SPRYD4: variants seen among roughly 807,000 people sequenced by gnomAD.
SPRYD4 encodes the protein SPRY domain-containing protein 4.
Under a neutral mutation model 16.6 loss-of-function variants are expected in SPRYD4, and 12 were observed. That is an observed-to-expected ratio of 0.72 (90% CI 0.46 to 1.17). The LOEUF (loss-of-function observed/expected upper bound fraction) is 1.17, where lower values mean the gene tolerates loss of function less well. SPRYD4 is among the 50% of genes most tolerant of loss of function. The pLI, the probability that SPRYD4 is intolerant of heterozygous loss-of-function variation, is 0.00. For synonymous variants in SPRYD4, 98 were observed against 105.4 expected (o/e 0.93, Z 0.43); for missense variants, 260 against 260.2 (o/e 1.00, Z 0.00).
chr12:56,469,365 G>C lies in SPRYD4; in HGVS notation c.412G>C (p.Glu138Gln), dbSNP rs746211057. 6.2e-7 allele frequency: 1 copy of C among 1,614,064 alleles called. No homozygotes were observed. Among genetic ancestry groups the C allele is most frequent in the Non-Finnish European group, 8.5e-7 (1 of 1,180,042 alleles). The change falls in exon 2 of 2, where the codon GAG becomes CAG. Residue 138 changes from glutamate (E) to glutamine (Q), a missense_variant. Physicochemically the swap from Glu to Gln is conservative, Grantham distance 29. Transcript: ENST00000338146. ...QRKWYTMLAN[E>Q]KAPVEGIGQP... is the part of the protein sequence containing the mutation. The stretch of plus-strand genomic sequence containing the variant: ...CAAGTGGTACACCATGTTGGCCAAC[G>C]AGAAAGCCCCAGTTGAGGGTATTGG...
chr12:56,471,554 A>G lies in SPRYD4; in HGVS notation c.*1977A>G, dbSNP rs2657879. 283,365 of 1,613,616 alleles carry G rather than the reference A, an allele frequency of 0.18. 26,333 individuals are homozygous for G. The highest frequency in any genetic ancestry group is 0.23 in the Admixed American group (13,490 of 59,940). ...TGCTGCCTCAGCCTGAGTTTCAGAG[A>G]GTGTGTAGGAGTCCTGGTAATCTTG... is the stretch of plus-strand genomic sequence containing the variant. On this transcript the variant is annotated 3_prime_UTR_variant, in exon 2 of 2. Coordinates refer to ENST00000338146, the MANE Select transcript of SPRYD4 (RefSeq NM_207344.4).
intron 1 of SPRYD4, 137 bp from the exon 2 acceptor site, chr12:56,468,902 G>T: frequency 8.2e-7 from 1 of 1,220,138 alleles, no homozygotes; most frequent in South Asian, 1.6e-5. Context: ...GCGACCTCGC[G>T]ACTCTCTTGC....
Position 56,473,162 on chromosome 12 carries a change from T to G in SPRYD4, c.*3585T>G. The stretch of plus-strand genomic sequence containing the variant: ...CCTTGGCCTCTCAAAGTGCAGGGAT[T>G]ACAGGCGTGAGCCACCGCACCTGGC... On this transcript the variant is annotated 3_prime_UTR_variant, in exon 2 of 2. Coordinates refer to ENST00000338146, the MANE Select transcript of SPRYD4 (RefSeq NM_207344.4). 1 of 1,456,718 alleles carries G rather than the reference T, an allele frequency of 6.9e-7. No individual in the cohort carries two copies. The highest frequency in any genetic ancestry group is 1.2e-5 in the South Asian group (1 of 86,834). 90.2% of individuals were successfully genotyped at this position (1,456,718 alleles called of 1,614,324 possible).
Position 56,478,277 on chromosome 12 carries a change from G to T in SPRYD4, c.*8700G>T. The T allele has an allele frequency of 2.5e-6, 4 of 1,612,932 alleles. No individual in the cohort carries two copies. Among genetic ancestry groups the T allele is most frequent in the Non-Finnish European group, 3.4e-6 (4 of 1,178,890 alleles). On this transcript the variant is annotated 3_prime_UTR_variant, in exon 2 of 2. Coordinates refer to ENST00000338146, the MANE Select transcript of SPRYD4 (RefSeq NM_207344.4). ...TAGGCTGCCACCTGGACATGAGTGG[G>T]TAGAGAAAAGGGAGATGGATGTGGA...
In SPRYD4 at chr12:56,478,099, G is replaced by A. The variant is rs182943399; in HGVS notation, c.*8522G>A. ...TCTTTGTGTGGCCCACAGAGTGCCTGGAGGCAGACAGATGCCATGAAAGGG... is the reference window on the plus strand; with the variant it reads ...TCTTTGTGTGGCCCACAGAGTGCCTAGAGGCAGACAGATGCCATGAAAGGG... On this transcript the variant is annotated 3_prime_UTR_variant, in exon 2 of 2. Transcript: ENST00000338146. The A allele has an allele frequency of 2.5e-6, 4 of 1,614,040 alleles. No homozygotes were observed. Among genetic ancestry groups the A allele is most frequent in the East Asian group, 4.5e-5 (2 of 44,872 alleles).
chr12:56,472,094 C>T lies in SPRYD4; in HGVS notation c.*2517C>T. On this transcript the variant is annotated 3_prime_UTR_variant, in exon 2 of 2. Coordinates refer to ENST00000338146, the MANE Select transcript of SPRYD4 (RefSeq NM_207344.4). ...GAAAGGGTCTTATGATTACCCTCCTCCTCCCCTCCTTAACCCTTCAGTACC... is the reference window on the plus strand; with the variant it reads ...GAAAGGGTCTTATGATTACCCTCCTTCTCCCCTCCTTAACCCTTCAGTACC... The T allele has an allele frequency of 1.2e-6, 2 of 1,610,634 alleles. No individual in the cohort carries two copies. The highest frequency in any genetic ancestry group is 1.7e-6 in the Non-Finnish European group (2 of 1,177,160).
At position 56,477,807 on chromosome 12, in the gene SPRYD4, T is replaced by G; in HGVS notation, c.*8230T>G. 6.5e-7 allele frequency: 1 copy of G among 1,545,236 alleles called. No individual in the cohort carries two copies. The highest frequency in any genetic ancestry group is 1.9e-5 in the Admixed American group (1 of 53,722). ...ACTTTGTGGGTTAGACAAGAAAGAC[T>G]GCTAGGGAGAAAGGCATGACAGGGC... On this transcript the variant is annotated 3_prime_UTR_variant, in exon 2 of 2. Transcript: ENST00000338146.
chr12:56,477,821 G>T lies in SPRYD4; in HGVS notation c.*8244G>T. 1 of 1,534,516 alleles carries T rather than the reference G, an allele frequency of 6.5e-7. No homozygotes were observed. The highest frequency in any genetic ancestry group is 1.9e-5 in the Admixed American group (1 of 53,470). ...ACAAGAAAGACTGCTAGGGAGAAAG[G>T]CATGACAGGGCTAATCAGGAAGGGC... On this transcript the variant is annotated 3_prime_UTR_variant, in exon 2 of 2. Transcript: ENST00000338146.
At position 56,474,825 on chromosome 12, in the gene SPRYD4, C is replaced by T; in HGVS notation, c.*5248C>T. 1.9e-6 allele frequency: 3 copies of T among 1,613,788 alleles called. No individual in the cohort carries two copies. In the South Asian group the frequency reaches 3.3e-5, roughly 18 times the overall value. ...AGGACAGTCTGTCCTGTTCCCTCGG[C>T]CCTGAGCAGTGTTTTCTTACCTGGA... On this transcript the variant is annotated 3_prime_UTR_variant, in exon 2 of 2. Coordinates refer to ENST00000338146, the MANE Select transcript of SPRYD4 (RefSeq NM_207344.4).
Position 56,475,293 on chromosome 12 carries a change from T to C in SPRYD4, c.*5716T>C, listed in dbSNP as rs1869706709. 7.5e-6 allele frequency: 11 copies of C among 1,460,022 alleles called. No homozygotes were observed. The highest frequency in any genetic ancestry group is 9.2e-6 in the Non-Finnish European group (10 of 1,088,464). 90.4% of individuals were successfully genotyped at this position (1,460,022 alleles called of 1,614,324 possible). On this transcript the variant is annotated 3_prime_UTR_variant, in exon 2 of 2. Coordinates refer to ENST00000338146, the MANE Select transcript of SPRYD4 (RefSeq NM_207344.4). The stretch of plus-strand genomic sequence containing the variant: ...CCTGAGCAAACACTCAGCATAGTTT[T>C]GTTATAAAGTAAACCCAAACCAAAC...
At position 56,469,552 on chromosome 12, in the gene SPRYD4, G is replaced by T; in HGVS notation, c.599G>T (p.Gly200Val). 6.2e-7 allele frequency: 1 copy of T among 1,613,776 alleles called. No individual in the cohort carries two copies. The highest frequency in any genetic ancestry group is 8.5e-7 in the Non-Finnish European group (1 of 1,179,882). The change falls in exon 2 of 2, where the codon GGG becomes GTG. Residue 200 changes from glycine (G) to valine (V), a missense_variant. Coordinates refer to ENST00000338146, the MANE Select transcript of SPRYD4 (RefSeq NM_207344.4). ...LWDGELLTHS[G>V]LEVPEGL The stretch of plus-strand genomic sequence containing the variant: ...GATGGGGAGCTGCTGACCCATTCAG[G>T]GCTTGAGGTGCCCGAGGGCCTCTAG...
In SPRYD4 at chr12:56,475,858, G is replaced by T; in HGVS notation, c.*6281G>T. ...CTAGTATGGGCTGGTGCACCTGGTA[G>T]TGGGGTTAGAGAGCCACTGGGGCAG... is the stretch of plus-strand genomic sequence containing the variant. On this transcript the variant is annotated 3_prime_UTR_variant, in exon 2 of 2. Transcript: ENST00000338146. 6.8e-7 allele frequency: 1 copy of T among 1,473,176 alleles called. No homozygotes were observed. Among genetic ancestry groups the T allele is most frequent in the Non-Finnish European group, 9.5e-7 (1 of 1,052,622 alleles). The allele number at this position is 1,473,176 out of a possible 1,614,324, so 91.3% of individuals were successfully genotyped here.
In SPRYD4 at chr12:56,469,180, T is replaced by C; in HGVS notation, c.227T>C (p.Val76Ala). 1.2e-6 allele frequency: 2 copies of C among 1,613,892 alleles called. No individual in the cohort carries two copies. Among genetic ancestry groups the C allele is most frequent in the Non-Finnish European group, 1.7e-6 (2 of 1,179,978 alleles). Residue 76 changes from valine to alanine, a missense_variant, in exon 2 of 2, where the codon GTG (valine) becomes GCG (alanine). Coordinates refer to ENST00000338146, the MANE Select transcript of SPRYD4 (RefSeq NM_207344.4). ...GTGGAGCGCTTCCGGGAGTGGGCAG[T>C]GGTGCTGGCAGACACAGCGGTCACC... ...LNVERFREWA[V>A]VLADTAVTSG... is the part of the protein sequence containing the mutation.
In SPRYD4 at chr12:56,478,791, G is replaced by A. The variant is rs867232338; in HGVS notation, c.*9214G>A. 2.8e-5 allele frequency: 10 copies of A among 354,592 alleles called. No individual in the cohort carries two copies. Among genetic ancestry groups the A allele is most frequent in the African/African-American group, 1.3e-4 (6 of 47,130 alleles). 22.0% of individuals were successfully genotyped at this position (354,592 alleles called of 1,614,324 possible). ...GTGGATCACTTGAGATCAGGAGTTC[G>A]AGACCAGCCTGGCCAATATGGCAAA... On this transcript the variant is annotated 3_prime_UTR_variant, in exon 2 of 2. Coordinates refer to ENST00000338146, the MANE Select transcript of SPRYD4 (RefSeq NM_207344.4).
At position 56,474,775 on chromosome 12, in the gene SPRYD4, C is replaced by T. The variant is rs188729267; in HGVS notation, c.*5198C>T. 2.0e-5 allele frequency: 33 copies of T among 1,612,300 alleles called. No homozygotes were observed. Among genetic ancestry groups the T allele is most frequent in the South Asian group, 7.7e-5 (7 of 90,914 alleles). On this transcript the variant is annotated 3_prime_UTR_variant, in exon 2 of 2. Coordinates refer to ENST00000338146, the MANE Select transcript of SPRYD4 (RefSeq NM_207344.4). ...GACGTGAACCTGCACATGGGACCCT[C>T]GGGTGTAGGGAAAGGGCAAGGGCAA...
At position 56,477,915 on chromosome 12, in the gene SPRYD4, A is replaced by T; in HGVS notation, c.*8338A>T. 6.2e-7 allele frequency: 1 copy of T among 1,608,486 alleles called. No homozygotes were observed. The highest frequency in any genetic ancestry group is 8.5e-7 in the Non-Finnish European group (1 of 1,177,008). On this transcript the variant is annotated 3_prime_UTR_variant, in exon 2 of 2. Transcript: ENST00000338146. Reference sequence around the variant, plus strand: ...AGGGGACAGCTGTAAGTACGGTCTGAGCCTTGGTAGTGCTCACCTTCCTCA... The same window carrying T: ...AGGGGACAGCTGTAAGTACGGTCTGTGCCTTGGTAGTGCTCACCTTCCTCA...
rs1239901288 is a variant in SPRYD4, at chr12:56,477,296, AC to A, written c.*7722del. ...TCACCCTTGCCTGCAGGTGTCCCAC[AC>A]CCAGAAGTGGCCAATCAGTGCCCAA... is the stretch of plus-strand genomic sequence containing the variant. On this transcript the variant is annotated 3_prime_UTR_variant, in exon 2 of 2. Transcript: ENST00000338146. The A allele has an allele frequency of 1.7e-5, 3 of 173,486 alleles. No homozygotes were observed. Among genetic ancestry groups the A allele is most frequent in the Non-Finnish European group, 2.4e-5 (2 of 82,172 alleles). The allele number at this position is 173,486 out of a possible 1,614,324, so 10.7% of individuals were successfully genotyped here.
In SPRYD4 at chr12:56,473,923, T is replaced by G; in HGVS notation, c.*4346T>G. Reference sequence around the variant, plus strand: ...TAATGTTTAAAGTAATTGTGATAAATAGTGAGAAGTAGGGTGCTGTAAATA... The same window carrying G: ...TAATGTTTAAAGTAATTGTGATAAAGAGTGAGAAGTAGGGTGCTGTAAATA... On this transcript the variant is annotated 3_prime_UTR_variant, in exon 2 of 2. Transcript: ENST00000338146. 4.6e-6 allele frequency: 1 copy of G among 216,240 alleles called. No individual in the cohort carries two copies. 13.4% of individuals were successfully genotyped at this position (216,240 alleles called of 1,614,324 possible).
intron 1 of SPRYD4, 89 bp from the exon 2 acceptor site, chr12:56,468,950 A>G: frequency 6.8e-7 from 1 of 1,468,722 alleles, no homozygotes; most frequent in Non-Finnish European, 9.1e-7. Flanking sequence ...TTGCTCGTGT[A>G]TCATGGCTGC....
Sources: gnomAD v4.1 joint callset for allele counts on GRCh38, gnomAD v4.1.1 for gene constraint, MANE v1.5 for transcripts, NCBI Gene and HGNC (gene_info 2026-07-23, HGNC 2026-07-21) for gene names.